The following SPOPL variants were observed in gnomAD, a reference collection of about 807,000 sequenced individuals.
SPOPL encodes speckle type BTB/POZ protein like, also known as speckle-type POZ protein-like.
In SPOPL, 23 loss-of-function variants were observed where a neutral mutation model predicts 53.8. That is an observed-to-expected ratio of 0.43 (90% CI 0.31 to 0.61). The LOEUF (loss-of-function observed/expected upper bound fraction) is 0.61, where lower values mean the gene tolerates loss of function less well. Ranked by LOEUF, SPOPL falls within the 20% of genes least tolerant of loss-of-function variation. The pLI is 0.12. For missense variants in SPOPL, 442 were observed against 466.9 expected (o/e 0.95, Z 0.49); for synonymous variants, 164 against 149.7 (o/e 1.10, Z -0.70).
intron 1 of SPOPL, among the ~76,000 whole-genome samples, chr2:138,521,265 T>G (rs1250168314): frequency 6.6e-6 from 1 of 152,160 alleles, no homozygotes; most frequent in African/African-American, 2.4e-5. Context: ...TCCAGTTCTG[T>G]CTATAGCCAG....
At chr2:138,516,714 G>A (rs980982792) in intron 1 of SPOPL, among the ~76,000 whole-genome samples, 4 of 152,206 alleles carry the variant, frequency 2.6e-5, no homozygotes, top group Non-Finnish European at 5.9e-5. Context: ...TATAGCATTT[G>A]ACTCACACAG....
At chr2:138,509,812 A>G (rs1044715627) in intron 1 of SPOPL, among the ~76,000 whole-genome samples, 1 of 152,112 alleles carries the variant, frequency 6.6e-6, no homozygotes, top group Non-Finnish European at 1.5e-5. Flanking sequence ...CATGGTTGGT[A>G]TTGTATAGTA....
intron 1 of SPOPL, among the ~76,000 whole-genome samples, chr2:138,530,903 GA>G (rs1311837683): frequency 6.8e-6 from 1 of 146,934 alleles, no homozygotes; most frequent in Non-Finnish European, 1.5e-5. Context: ...GTTTCTCAGG[GA>G]AACCTTACTG....
intron 5 of SPOPL, chr2:138,554,531 G>A: frequency 7.8e-7 from 1 of 1,283,252 alleles, no homozygotes; most frequent in Non-Finnish European, 1.0e-6. Context: ...TGGTGCTGTA[G>A]ACAGGTAAGG....
chr2:138,540,581 C>T (rs1031137262), intron 1 of SPOPL, among the ~76,000 whole-genome samples: 59 of 152,250 alleles, frequency 3.9e-4, no homozygotes, highest in Non-Finnish European at 7.9e-4. Context: ...GTGATTTTTG[C>T]ACATTGATTT....
chr2:138,554,066 CT>C (rs70978299), intron 5 of SPOPL, among the ~76,000 whole-genome samples: 32,641 of 126,432 alleles, frequency 0.26, 5,467 homozygotes, highest in African/African-American at 0.46. Flanking sequence ...TAGAAAATAC[CT>C]TTTTTTTTTT....
chr2:138,539,300 T>G (rs1685009128), intron 1 of SPOPL, among the ~76,000 whole-genome samples: 1 of 152,204 alleles, frequency 6.6e-6, no homozygotes, highest in South Asian at 2.1e-4. Context: ...GTATTTCTAG[T>G]TCAAGATCCC....
chr2:138,550,744 G>A, intron 3 of SPOPL, 140 bp downstream of exon 3: 2 of 1,410,122 alleles, frequency 1.4e-6, no homozygotes, highest in Non-Finnish European at 1.9e-6. Context: ...TAATAGTGTG[G>A]GGAATTATAA....
chr2:138,550,677 A>T lies in SPOPL; in HGVS notation c.200+73A>T, dbSNP rs1685295054. 3 of 1,535,600 alleles carry T rather than the reference A, an allele frequency of 2.0e-6. No individual in the cohort carries two copies. The Admixed American group carries it at 6.2e-5, about 32-fold the overall frequency. ...ATCATCAGCTGCTCATGATTTTGTTATCATTTTTCCTGAATGAGTATTAAT... is the reference window on the plus strand; with the variant it reads ...ATCATCAGCTGCTCATGATTTTGTTTTCATTTTTCCTGAATGAGTATTAAT... On this transcript the variant is annotated intron_variant, in intron 3 of 10. Transcript: ENST00000280098.
At chr2:138,550,365 GA>G (rs1685287493) in intron 2 of SPOPL, 71 bp downstream of exon 2, 2 of 1,596,074 alleles carry the variant, frequency 1.3e-6, no homozygotes, top group Non-Finnish European at 8.6e-7. Flanking sequence ...ATAGTATTGT[GA>G]AACACTTTGC....
intron 1 of SPOPL, among the ~76,000 whole-genome samples, chr2:138,527,799 C>T (rs114192136): frequency 0.011 from 1,651 of 152,224 alleles, 34 homozygotes; most frequent in African/African-American, 0.037. Flanking sequence ...TCATGGTTTT[C>T]AGGGCAGTTG....
intron 1 of SPOPL, among the ~76,000 whole-genome samples, chr2:138,530,922 AGTGT>A (rs10673306): frequency 5.6e-4 from 83 of 148,032 alleles, no homozygotes; most frequent in South Asian, 2.6e-3. Flanking sequence ...CTGTAGAGTG[AGTGT>A]GTGTGTGTGT....
chr2:138,542,553 G>A (rs1288786426), intron 1 of SPOPL, among the ~76,000 whole-genome samples: 3 of 152,054 alleles, frequency 2.0e-5, no homozygotes, highest in Admixed American at 6.5e-5. Flanking sequence ...GACTAGGATT[G>A]CAATCCCTGC....
rs974320093 is a variant in SPOPL, at chr2:138,522,572, A to G, written c.-61+20453A>G. 2.6e-5 allele frequency among the ~76,000 whole-genome samples: 4 copies of G among 152,206 alleles called. No homozygotes were observed. In the South Asian group the frequency reaches 6.2e-4, roughly 24 times the overall value. ...GCTTCCCCTTTAAATAGAAATATAT[A>G]TAACTAAGAAGAAGGAATATTTTTT... On this transcript the variant is annotated intron_variant, in intron 1 of 10. Transcript: ENST00000280098.
intron 5 of SPOPL, among the ~76,000 whole-genome samples, chr2:138,553,731 A>G (rs1414970318): frequency 6.6e-6 from 1 of 152,166 alleles, no homozygotes; most frequent in Non-Finnish European, 1.5e-5. Flanking sequence ...AATGAACTGT[A>G]TGATGAATTT....
chr2:138,503,574 T>A (rs879561335), intron 1 of SPOPL, among the ~76,000 whole-genome samples: 31 of 152,224 alleles, frequency 2.0e-4, no homozygotes, highest in Admixed American at 7.2e-4. Context: ...TGTTATTGTA[T>A]AAATTAATTC....
intron 1 of SPOPL, among the ~76,000 whole-genome samples, chr2:138,541,442 A>G (rs1179267046): frequency 1.3e-5 from 2 of 152,114 alleles, no homozygotes; most frequent in East Asian, 1.9e-4. Flanking sequence ...GTCTATTCAG[A>G]GATTCAACTT....
At chr2:138,549,632 G>GAA (rs1685271301) in intron 1 of SPOPL, among the ~76,000 whole-genome samples, 1 of 152,122 alleles carries the variant, frequency 6.6e-6, no homozygotes, top group Non-Finnish European at 1.5e-5. Context: ...GTCTGAGATA[G>GAA]ACGTGGAGTT....
chr2:138,514,381 G>A (rs757909576), intron 1 of SPOPL, among the ~76,000 whole-genome samples: 2 of 152,228 alleles, frequency 1.3e-5, no homozygotes, highest in Non-Finnish European at 2.9e-5. Flanking sequence ...AATGCATTTA[G>A]CTCAGTGAGC....
Sources: gnomAD v4.1 joint callset for allele counts (sites outside exome capture counted in the v4.1 genomes callset) on GRCh38, gnomAD v4.1.1 for gene constraint, MANE v1.5 for transcripts, NCBI Gene and HGNC (gene_info 2026-07-23, HGNC 2026-07-21) for gene names.